KCNH1: variants seen among roughly 807,000 people sequenced by gnomAD.
The protein encoded by KCNH1 is potassium voltage-gated channel subfamily H member 1.
KCNH1 carries 27 observed loss-of-function variants against 69.2 expected under a neutral mutation model. That is an observed-to-expected ratio of 0.39 (90% CI 0.29 to 0.54). KCNH1 has a LOEUF of 0.54. KCNH1 is among the 20% of genes least tolerant of loss of function. The pLI, the probability that KCNH1 is intolerant of heterozygous loss-of-function variation, is 0.68. For missense variants in KCNH1, 798 were observed against 1,261.6 expected, an observed-to-expected ratio of 0.63 and a Z score of 5.57; for synonymous variants, 456 against 487.7, an observed-to-expected ratio of 0.93 and a Z score of 0.86.
At chr1:210,714,700 C>A (rs1292952385) in intron 10 of KCNH1, among the ~76,000 whole-genome samples, 3 of 152,126 alleles carry the variant, frequency 2.0e-5, no homozygotes, top group African/African-American at 7.2e-5. Context: ...ATCATGATAC[C>A]ATCCCTGCCT....
intron 5 of KCNH1, among the ~76,000 whole-genome samples, chr1:211,065,905 T>A (rs1690520605): frequency 6.6e-6 from 1 of 151,622 alleles, no homozygotes; most frequent in African/African-American, 2.4e-5. Context: ...TACAAAAAAA[T>A]GGAAAAATTA....
intron 7 of KCNH1, among the ~76,000 whole-genome samples, chr1:210,807,893 A>G (rs948744381): frequency 6.6e-5 from 10 of 152,204 alleles, no homozygotes; most frequent in Non-Finnish European, 1.5e-4. Flanking sequence ...TAAGGGAAGG[A>G]CTGAGGACAC....
intron 7 of KCNH1, among the ~76,000 whole-genome samples, chr1:210,898,681 C>CG (rs35054693): frequency 0.19 from 26,937 of 138,418 alleles, 2,896 homozygotes; most frequent in Admixed American, 0.27. Context: ...GGCGTGGCGG[C>CG]GGGGGGGGGT....
intron 7 of KCNH1, among the ~76,000 whole-genome samples, chr1:210,805,405 A>G (rs1367834750): frequency 6.6e-6 from 1 of 152,174 alleles, no homozygotes; most frequent in East Asian, 1.9e-4. Context: ...AAAATAGTGA[A>G]CATATCCATC....
chr1:211,049,524 G>A (rs1187433304), intron 5 of KCNH1, among the ~76,000 whole-genome samples: 1 of 152,152 alleles, frequency 6.6e-6, no homozygotes, highest in East Asian at 1.9e-4. Flanking sequence ...GACTAGAGAG[G>A]GCAATACTGG....
intron 7 of KCNH1, among the ~76,000 whole-genome samples, chr1:210,894,426 T>C (rs562687867): frequency 6.6e-6 from 1 of 152,322 alleles, no homozygotes; most frequent in African/African-American, 2.4e-5. Context: ...AGTCACTGTT[T>C]TTTAATAATC....
chr1:210,931,279 C>A (rs575589506), intron 6 of KCNH1, among the ~76,000 whole-genome samples: 1 of 152,242 alleles, frequency 6.6e-6, no homozygotes, highest in African/African-American at 2.4e-5. Context: ...GTGCGTCAAT[C>A]AACAAGTGGA....
At chr1:210,715,513 TAAAC>T (rs1356559666) in intron 10 of KCNH1, among the ~76,000 whole-genome samples, 4 of 117,870 alleles carry the variant, frequency 3.4e-5, no homozygotes, top group African/African-American at 1.3e-4. Flanking sequence ...TTTTAAAAAT[TAAAC>T]AAAAAAAAAA....
intron 7 of KCNH1, among the ~76,000 whole-genome samples, chr1:210,884,747 A>G (rs976438509): frequency 1.3e-4 from 20 of 152,212 alleles, no homozygotes; most frequent in Admixed American, 2.6e-4. Flanking sequence ...GAGCTGCTAG[A>G]TATCTCTCCA....
intron 6 of KCNH1, among the ~76,000 whole-genome samples, chr1:210,943,150 G>A (rs1410953491): frequency 6.6e-6 from 1 of 152,046 alleles, no homozygotes; most frequent in Non-Finnish European, 1.5e-5. Flanking sequence ...GCCGCCATGA[G>A]GATGAGTTCT....
intron 7 of KCNH1, among the ~76,000 whole-genome samples, chr1:210,810,326 G>A (rs550661944): frequency 9.9e-5 from 15 of 152,182 alleles, no homozygotes; most frequent in African/African-American, 3.6e-4. Flanking sequence ...CTCTAGAAAC[G>A]CTTTCTACAA....
At chr1:210,947,616 A>G (rs955024320) in intron 6 of KCNH1, among the ~76,000 whole-genome samples, 2 of 152,030 alleles carry the variant, frequency 1.3e-5, no homozygotes, top group African/African-American at 4.8e-5. Flanking sequence ...AAAATAAATA[A>G]ATAACTTACA....
intron 7 of KCNH1, chr1:210,859,683 T>A: frequency 7.8e-7 from 1 of 1,278,570 alleles, no homozygotes; most frequent in South Asian, 1.2e-5. Flanking sequence ...ATCCATTAAA[T>A]AAAAGGATAA....
At chr1:210,993,479 C>T (rs1382231592) in intron 6 of KCNH1, among the ~76,000 whole-genome samples, 1 of 152,134 alleles carries the variant, frequency 6.6e-6, no homozygotes, top group Non-Finnish European at 1.5e-5. Context: ...CTTACAAAAG[C>T]CTCCATCGTT....
Position 211,133,876 on chromosome 1 carries a change from G to T in KCNH1, c.70C>A (p.Arg24=). The stretch of plus-strand genomic sequence containing the variant: ...CGAATGCACCTCTTACCATTGGACC[G>T]CCGAACAATATTCTCCAGAAACGTG... ...QNTFLENIVR[R]SNDTNFVLGN... Residue 24 remains arginine (R), a synonymous_variant, in exon 1 of 11, where the codon CGG becomes AGG. Transcript: ENST00000271751. This position sits in a 1 kb window ranked among gnomAD's most constrained non-coding sequence, Gnocchi z 5.4. 6.2e-7 allele frequency: 1 copy of T among 1,610,164 alleles called. No homozygotes were observed. The highest frequency in any genetic ancestry group is 1.1e-5 in the South Asian group (1 of 90,498).
chr1:210,733,521 C>T (rs1324661010), intron 10 of KCNH1, among the ~76,000 whole-genome samples: 2 of 152,204 alleles, frequency 1.3e-5, no homozygotes, highest in African/African-American at 4.8e-5. Context: ...TCTGCATTAA[C>T]ATTTATGTTT....
chr1:210,978,041 A>AT (rs374205340), intron 6 of KCNH1, among the ~76,000 whole-genome samples: 6,304 of 137,680 alleles, frequency 0.046, 188 homozygotes, highest in South Asian at 0.068. Context: ...CTCTCCTTTA[A>AT]TTTTTTTTTT....
rs374609280 is a variant in KCNH1 at position 211,126,679 on chromosome 1, T to C, written c.79+7188A>G. Among the ~76,000 whole-genome samples the C allele has an allele frequency of 8.5e-5, 9 of 106,334 alleles. No individual in the cohort carries two copies. In the East Asian group the frequency reaches 1.4e-3, roughly 16 times the overall value. 69.8% of individuals were successfully genotyped at this position (106,334 alleles called of 152,430 possible). On this transcript the variant is annotated intron_variant, in intron 1 of 10. Coordinates refer to ENST00000271751, the MANE Select transcript of KCNH1 (RefSeq NM_172362.3). ...GCCTGGGTGACAGAGTGAGATCCTATAATATCTCAAAAAAAAAAAAAAAAA... is the reference window on the plus strand; with the variant it reads ...GCCTGGGTGACAGAGTGAGATCCTACAATATCTCAAAAAAAAAAAAAAAAA...
At chr1:210,871,188 T>C (rs1410536816) in intron 7 of KCNH1, among the ~76,000 whole-genome samples, 6 of 152,004 alleles carry the variant, frequency 3.9e-5, no homozygotes, top group Admixed American at 6.6e-5. Context: ...CTACAATGAA[T>C]GCAAACAAAT....
Sources: allele counts gnomAD v4.1 joint callset (sites outside exome capture counted in the v4.1 genomes callset), GRCh38; gene constraint gnomAD v4.1.1; non-coding constraint Gnocchi (gnomAD v3.1); transcripts MANE v1.5; gene names NCBI Gene and HGNC (gene_info 2026-07-23, HGNC 2026-07-21).